The following ASXL3 variants were observed in gnomAD, a reference collection of about 807,000 sequenced individuals.
ASXL3 encodes the protein ASXL transcriptional regulator 3, also known as putative Polycomb group protein ASXL3.
In ASXL3, 34 loss-of-function variants were observed where a neutral mutation model predicts 170.6. That is an observed-to-expected ratio of 0.20 (90% CI 0.15 to 0.27). The LOEUF is 0.27. Ranked by LOEUF, ASXL3 falls within the 10% of genes least tolerant of loss-of-function variation. The pLI, the probability that ASXL3 is intolerant of heterozygous loss-of-function variation, is 1.00. For synonymous variants in ASXL3, 1,002 were observed against 989.1 expected (o/e 1.01, Z -0.24); for missense variants, 2,592 against 2,695.3 (o/e 0.96, Z 0.85).
At chr18:33,692,949 T>TTA (rs2066709558) in intron 8 of ASXL3, among the ~76,000 whole-genome samples, 2 of 152,172 alleles carry the variant, frequency 1.3e-5, no homozygotes, top group Non-Finnish European at 2.9e-5. Context: ...AAGTTTAAGA[T>TTA]AAAGGTGCCA....
chr18:33,584,874 GTA>G (rs201180013), intron 1 of ASXL3, among the ~76,000 whole-genome samples: 9 of 148,922 alleles, frequency 6.0e-5, no homozygotes, highest in African/African-American at 9.9e-5. Flanking sequence ...TATATGTTGT[GTA>G]TATATGTGTG....
At chr18:33,656,099 A>G (rs867809260) in intron 4 of ASXL3, among the ~76,000 whole-genome samples, 1 of 152,050 alleles carries the variant, frequency 6.6e-6, no homozygotes, top group African/African-American at 2.4e-5. Context: ...AAACCAATAA[A>G]CTTCCTCTAA....
chr18:33,623,821 T>G (rs1378599795), intron 2 of ASXL3, among the ~76,000 whole-genome samples: 2 of 152,160 alleles, frequency 1.3e-5, no homozygotes, highest in African/African-American at 4.8e-5. Context: ...AAACTACTGT[T>G]ACTTAATGAA....
At chr18:33,587,049 C>G (rs1352925818) in intron 1 of ASXL3, among the ~76,000 whole-genome samples, 13 of 152,156 alleles carry the variant, frequency 8.5e-5, no homozygotes, top group Non-Finnish European at 1.0e-4. Context: ...TCTCTAACCT[C>G]TTTTCCAAAT....
intron 8 of ASXL3, among the ~76,000 whole-genome samples, chr18:33,698,145 G>A (rs2066805305): frequency 1.3e-5 from 2 of 152,092 alleles, no homozygotes; most frequent in South Asian, 2.1e-4. Context: ...ATTAAGTCAG[G>A]AGGACTTTGC....
At chr18:33,683,993 G>A (rs574056801) in intron 8 of ASXL3, among the ~76,000 whole-genome samples, 1 of 152,240 alleles carries the variant, frequency 6.6e-6, no homozygotes, top group South Asian at 2.1e-4. Context: ...GTTTGCAATT[G>A]CTCTCTGAGA....
intron 6 of ASXL3, among the ~76,000 whole-genome samples, 170 bp from the exon 7 acceptor site, chr18:33,671,577 T>C (rs1169904548): frequency 6.6e-6 from 1 of 152,216 alleles, no homozygotes; most frequent in African/African-American, 2.4e-5. Flanking sequence ...GTTTGATTGA[T>C]TTATTGGGCT....
chr18:33,636,431 T>TTA (rs1192140036), intron 2 of ASXL3, among the ~76,000 whole-genome samples: 2 of 152,164 alleles, frequency 1.3e-5, no homozygotes, highest in African/African-American at 4.8e-5. Flanking sequence ...CTGTTGTTGT[T>TTA]TTTAAATAAG....
intron 2 of ASXL3, among the ~76,000 whole-genome samples, chr18:33,619,638 G>A (rs1423079772): frequency 1.3e-5 from 2 of 152,038 alleles, no homozygotes; most frequent in African/African-American, 2.4e-5. Flanking sequence ...GGCAGGAAAC[G>A]TACTGTGGGT....
intron 1 of ASXL3, among the ~76,000 whole-genome samples, chr18:33,599,340 A>C (rs2065160225): frequency 6.6e-6 from 1 of 152,176 alleles, no homozygotes; most frequent in South Asian, 2.1e-4. Flanking sequence ...ACACTTATAA[A>C]CTGGGTGGTA....
intron 8 of ASXL3, among the ~76,000 whole-genome samples, chr18:33,694,664 A>G (rs1033456826): frequency 3.9e-5 from 6 of 151,980 alleles, no homozygotes; most frequent in African/African-American, 1.2e-4. Context: ...TAAACTCTCA[A>G]TTCTTTTGCA....
intron 1 of ASXL3, among the ~76,000 whole-genome samples, chr18:33,579,827 G>A (rs966425862): frequency 2.6e-5 from 4 of 152,084 alleles, no homozygotes; most frequent in Non-Finnish European, 5.9e-5. Flanking sequence ...GGTTTTGGGA[G>A]GGGGGAGCAG....
chr18:33,725,740 C>A (rs2067339327), intron 8 of ASXL3, among the ~76,000 whole-genome samples: 1 of 152,074 alleles, frequency 6.6e-6, no homozygotes, highest in South Asian at 2.1e-4. Context: ...ATACTGTTTC[C>A]CTCTTGTGCC....
At chr18:33,698,914 G>A (rs1348569593) in intron 8 of ASXL3, among the ~76,000 whole-genome samples, 2 of 152,108 alleles carry the variant, frequency 1.3e-5, no homozygotes, top group Non-Finnish European at 2.9e-5. Context: ...GGAGTTCCAG[G>A]GTGACTGTGC....
At chr18:33,698,430 C>T (rs573231086) in intron 8 of ASXL3, among the ~76,000 whole-genome samples, 9 of 152,106 alleles carry the variant, frequency 5.9e-5, no homozygotes, top group East Asian at 3.9e-4. Context: ...CCATTTTGGA[C>T]GTGTTGGATC....
At chr18:33,646,212 C>G (rs751963143) in intron 3 of ASXL3, 33 bp from the exon 4 acceptor site, 2 of 1,556,006 alleles carry the variant, frequency 1.3e-6, no homozygotes, top group South Asian at 1.1e-5. Context: ...AATACATCTT[C>G]TCCATAAATC....
At chr18:33,725,730 A>T (rs1173863807) in intron 8 of ASXL3, among the ~76,000 whole-genome samples, 1 of 151,934 alleles carries the variant, frequency 6.6e-6, no homozygotes. Flanking sequence ...TTGTTTCTAA[A>T]TACTGTTTCC....
chr18:33,692,923 C>T (rs1206279981), intron 8 of ASXL3, among the ~76,000 whole-genome samples: 1 of 152,182 alleles, frequency 6.6e-6, no homozygotes, highest in East Asian at 1.9e-4. Context: ...TATTTTCTCA[C>T]AGTTCTTGAG....
At chr18:33,666,919 G>A (rs2066265482) in intron 5 of ASXL3, among the ~76,000 whole-genome samples, 1 of 152,218 alleles carries the variant, frequency 6.6e-6, no homozygotes, top group Non-Finnish European at 1.5e-5. Context: ...GATGCTGACT[G>A]TGCTTGTGGC....
Sources: gnomAD v4.1 joint callset for allele counts (sites outside exome capture counted in the v4.1 genomes callset) on GRCh38, gnomAD v4.1.1 for gene constraint, MANE v1.5 for transcripts, NCBI Gene and HGNC (gene_info 2026-07-23, HGNC 2026-07-21) for gene names.